The following SEL1L2 variants were observed in gnomAD, a reference collection of about 807,000 sequenced individuals.
The protein encoded by SEL1L2 is SEL1L2 adaptor subunit of SYVN1 ubiquitin ligase, also known as protein sel-1 homolog 2.
SEL1L2 carries 89 observed loss-of-function variants against 98.8 expected under a neutral mutation model. The ratio of observed to expected loss-of-function variants is 0.90; its 90% CI spans 0.76 to 1.07. The LOEUF is 1.07. Ranked by LOEUF, SEL1L2 falls within the 50% of genes least tolerant of loss-of-function variation. The pLI is 0.00. For synonymous variants in SEL1L2, 262 were observed against 278.5 expected (o/e 0.94, Z 0.59); for missense variants, 788 against 812.0 (o/e 0.97, Z 0.36).
chr20:13,889,137 T>TTGG (rs2047094839), intron 5 of SEL1L2, among the ~76,000 whole-genome samples: 2 of 151,726 alleles, frequency 1.3e-5, no homozygotes, highest in Non-Finnish European at 2.9e-5. Flanking sequence ...TTTTGTATTT[T>TTGG]TAGTAGAGAT....
chr20:13,912,978 A>C (rs1234011793), intron 5 of SEL1L2, among the ~76,000 whole-genome samples: 1 of 152,238 alleles, frequency 6.6e-6, no homozygotes, highest in Non-Finnish European at 1.5e-5. Flanking sequence ...TTCATGCAGA[A>C]GGAGGTGAAA....
Position 13,913,935 on chromosome 20 carries a change from T to G in SEL1L2, c.396A>C (p.Leu132=). ...KSQKQKEEAY[L]LFAKAADMGN... ...CCATGTCAGCTGCTTTGGCAAAAAG[T>G]AGGTAGGCTCTGTTTCAAGAATATA... is the stretch of plus-strand genomic sequence containing the variant. The change falls in exon 5 of 20, where the codon CTA becomes CTC. Residue 132 remains leucine, a synonymous_variant. Transcript: ENST00000284951. 6.4e-7 allele frequency: 1 copy of G among 1,561,302 alleles called. No homozygotes were observed. The highest frequency in any genetic ancestry group is 1.7e-4 in the Middle Eastern group (1 of 5,950).
At chr20:13,927,193 A>ATT (rs2048943292) in intron 3 of SEL1L2, among the ~76,000 whole-genome samples, 1 of 152,296 alleles carries the variant, frequency 6.6e-6, no homozygotes, top group South Asian at 2.1e-4. Flanking sequence ...TACTCTAAAA[A>ATT]CGTTAAGCCT....
intron 8 of SEL1L2, 54 bp from the exon 9 acceptor site, chr20:13,886,496 AAC>A: frequency 6.8e-7 from 1 of 1,480,210 alleles, no homozygotes; most frequent in Non-Finnish European, 9.3e-7. Flanking sequence ...TGCAAGAGAT[AAC>A]AGTCAATTTA....
chr20:13,936,855 C>T (rs1317959057), intron 2 of SEL1L2, among the ~76,000 whole-genome samples: 2 of 152,190 alleles, frequency 1.3e-5, no homozygotes, highest in South Asian at 2.1e-4. Context: ...TTTTCTCAAG[C>T]ATCCCTTTGA....
At chr20:13,979,298 C>G (rs556922365) in intron 1 of SEL1L2, among the ~76,000 whole-genome samples, 1 of 152,050 alleles carries the variant, frequency 6.6e-6, no homozygotes, top group African/African-American at 2.4e-5. Flanking sequence ...TTAATTGATA[C>G]AAAAATACAG....
At chr20:13,882,910 G>A (rs1168739929) in intron 10 of SEL1L2, among the ~76,000 whole-genome samples, 3 of 141,032 alleles carry the variant, frequency 2.1e-5, no homozygotes, top group East Asian at 2.2e-4. Context: ...TCCGCCTCCC[G>A]GGTTCACGCC....
At chr20:13,929,637 A>C (rs2049048790) in intron 3 of SEL1L2, among the ~76,000 whole-genome samples, 1 of 151,110 alleles carries the variant, frequency 6.6e-6, no homozygotes, top group Non-Finnish European at 1.5e-5. Context: ...AGTAGCTTGG[A>C]CTACAGGCGC....
At chr20:13,915,744 T>G (rs1166061838) in intron 4 of SEL1L2, among the ~76,000 whole-genome samples, 4 of 152,086 alleles carry the variant, frequency 2.6e-5, no homozygotes, top group African/African-American at 9.7e-5. Context: ...AGAAGCAGTA[T>G]CCAGGGCTGG....
intron 7 of SEL1L2, 39 bp from the exon 8 acceptor site, chr20:13,887,889 A>G (rs763407278): frequency 1.2e-6 from 2 of 1,604,710 alleles, no homozygotes; most frequent in Admixed American, 3.3e-5. Flanking sequence ...ATTCAAGACA[A>G]TGCTGTATTT....
chr20:13,874,868 GACA>G (rs1426083142), intron 12 of SEL1L2, among the ~76,000 whole-genome samples: 6 of 152,166 alleles, frequency 3.9e-5, no homozygotes, highest in African/African-American at 1.4e-4. Context: ...GCAACTGTAA[GACA>G]ACAAAATGCT....
intron 2 of SEL1L2, among the ~76,000 whole-genome samples, chr20:13,953,532 T>C (rs2050375412): frequency 6.6e-6 from 1 of 152,116 alleles, no homozygotes; most frequent in South Asian, 2.1e-4. Flanking sequence ...GACAGCCAGG[T>C]GTAAAAGGGT....
At chr20:13,992,499 C>T (rs749877637), upstream of SEL1L2, among the ~76,000 whole-genome samples, 14 of 151,678 alleles carry the variant, frequency 9.2e-5, no homozygotes, top group Non-Finnish European at 1.8e-4. Flanking sequence ...GGTGAAACTC[C>T]GTCTCAAAAA....
At chr20:13,915,118 C>T in intron 4 of SEL1L2, 12 of 1,288,762 alleles carry the variant, frequency 9.3e-6, no homozygotes, top group South Asian at 1.2e-5. Flanking sequence ...TCAGGAGACT[C>T]ACCTTTATGT....
chr20:13,910,881 T>C (rs553315663), intron 5 of SEL1L2, among the ~76,000 whole-genome samples: 7 of 152,314 alleles, frequency 4.6e-5, no homozygotes, highest in Admixed American at 6.5e-5. Context: ...GTAACACAAA[T>C]TAGATGCAAT....
intron 1 of SEL1L2, among the ~76,000 whole-genome samples, chr20:13,983,265 A>G (rs1320680669): frequency 6.6e-6 from 1 of 152,002 alleles, no homozygotes; most frequent in African/African-American, 2.4e-5. Flanking sequence ...GTCAGGGACA[A>G]TTGAATAGTT....
intron 1 of SEL1L2, among the ~76,000 whole-genome samples, chr20:13,967,422 T>A (rs1600968436): frequency 6.6e-6 from 1 of 152,268 alleles, no homozygotes; most frequent in Admixed American, 6.5e-5. Flanking sequence ...ACAGATTTAG[T>A]AATTCAAGAA....
At chr20:13,993,847 T>A (rs1191075908), upstream of SEL1L2, among the ~76,000 whole-genome samples, 1 of 152,224 alleles carries the variant, frequency 6.6e-6, no homozygotes, top group Non-Finnish European at 1.5e-5. Flanking sequence ...ATCTATTGCA[T>A]TATCAGGTTT....
At chr20:13,928,290 G>C (rs1266273082) in intron 3 of SEL1L2, 2 of 152,182 alleles carry the variant, frequency 1.3e-5, no homozygotes, top group Non-Finnish European at 2.9e-5. Flanking sequence ...CATCCTTGAA[G>C]ACTTGGCATC....
Sources: gnomAD v4.1 joint callset for allele counts (sites outside exome capture counted in the v4.1 genomes callset) on GRCh38, gnomAD v4.1.1 for gene constraint, MANE v1.5 for transcripts, NCBI Gene and HGNC (gene_info 2026-07-23, HGNC 2026-07-21) for gene names.